Variants in AMPH observed in about 807,000 individuals in gnomAD.
AMPH encodes the protein amphiphysin, also known as amphiphysin (Stiff-Mann syndrome with breast cancer 128kD autoantigen).
In AMPH, 49 loss-of-function variants were observed where a neutral mutation model predicts 99.1. The observed-to-expected ratio is 0.49, with a 90% CI of 0.39 to 0.63. The LOEUF (loss-of-function observed/expected upper bound fraction) is 0.63, where lower values mean the gene tolerates loss of function less well. AMPH is among the 20% of genes least tolerant of loss of function. The pLI is 0.00. For synonymous variants in AMPH, 314 were observed against 317.3 expected (o/e 0.99, Z 0.11); for missense variants, 759 against 863.4 (o/e 0.88, Z 1.52).
intron 1 of AMPH, among the ~76,000 whole-genome samples, chr7:38,597,805 T>C (rs1357163888): frequency 6.6e-6 from 1 of 152,190 alleles, no homozygotes; most frequent in East Asian, 1.9e-4. Flanking sequence ...TCCATCTTGT[T>C]TATGGTAACT....
At chr7:38,412,216 T>C (rs1348594030) in intron 17 of AMPH, among the ~76,000 whole-genome samples, 1 of 152,150 alleles carries the variant, frequency 6.6e-6, no homozygotes, top group Non-Finnish European at 1.5e-5. Flanking sequence ...TACTTGAAAA[T>C]GGTTAATTTT....
At chr7:38,610,522 G>T (rs1421961330) in intron 1 of AMPH, among the ~76,000 whole-genome samples, 2 of 151,298 alleles carry the variant, frequency 1.3e-5, no homozygotes, top group Non-Finnish European at 1.5e-5. Context: ...CACTAGTCTT[G>T]GATTATTAAA....
intron 2 of AMPH, among the ~76,000 whole-genome samples, chr7:38,521,270 T>C (rs12535562): frequency 0.98 from 148,903 of 152,328 alleles, 72,794 homozygotes; most frequent in East Asian, 1. Context: ...CCGGTAATCC[T>C]AGCACTTTGG....
chr7:38,431,954 C>T, intron 13 of AMPH: 1 of 578,418 alleles, frequency 1.7e-6, no homozygotes, highest in South Asian at 1.9e-5. Flanking sequence ...GACCATTATT[C>T]AAATTATTGA....
At chr7:38,389,608 A>G (rs1784434701) in intron 20 of AMPH, among the ~76,000 whole-genome samples, 196 bp downstream of exon 20, 1 of 152,254 alleles carries the variant, frequency 6.6e-6, no homozygotes, top group Admixed American at 6.5e-5. Flanking sequence ...TTATATAAAA[A>G]AAGAATGCAA....
At chr7:38,484,991 CA>C (rs1189408475) in intron 5 of AMPH, among the ~76,000 whole-genome samples, 2 of 151,100 alleles carry the variant, frequency 1.3e-5, no homozygotes, top group East Asian at 3.9e-4. Flanking sequence ...GAAAGTAAAA[CA>C]AAAAAATCAA....
chr7:38,629,587 T>G (rs1376964333), intron 1 of AMPH, among the ~76,000 whole-genome samples: 1 of 152,236 alleles, frequency 6.6e-6, no homozygotes, highest in Non-Finnish European at 1.5e-5. Flanking sequence ...GCTGGTGACC[T>G]AGATTAAGAA....
chr7:38,431,439 C>T (rs1417343767), intron 13 of AMPH, among the ~76,000 whole-genome samples: 1 of 152,100 alleles, frequency 6.6e-6, no homozygotes, highest in Admixed American at 6.5e-5. Flanking sequence ...GGGCAGATCA[C>T]AAGGTCAGCA....
intron 14 of AMPH, chr7:38,428,121 C>T (rs1460550999): frequency 2.2e-6 from 1 of 456,616 alleles, no homozygotes; most frequent in African/African-American, 2.0e-5. Context: ...ATTATCTAAG[C>T]CTTCTGTATC....
chr7:38,462,826 C>A, intron 10 of AMPH, 149 bp downstream of exon 10: 1 of 850,764 alleles, frequency 1.2e-6, no homozygotes, highest in African/African-American at 1.7e-5. Flanking sequence ...TGGATACCTT[C>A]ATGACAATCA....
intron 1 of AMPH, among the ~76,000 whole-genome samples, chr7:38,571,626 T>C (rs749930649): frequency 6.7e-6 from 1 of 148,284 alleles, no homozygotes; most frequent in Non-Finnish European, 1.5e-5. Flanking sequence ...GAAAATATTT[T>C]TGTACAGGTG....
intron 4 of AMPH, among the ~76,000 whole-genome samples, chr7:38,492,089 G>T (rs1261501381): frequency 6.6e-6 from 1 of 152,180 alleles, no homozygotes; most frequent in African/African-American, 2.4e-5. Flanking sequence ...TCTGCTATTT[G>T]TCACCAATCT....
In AMPH at chr7:38,474,162, T is replaced by G. The variant is rs1787998429; in HGVS notation, c.590+1169A>C. ...AAGCCCACACCAAAAAATGATAGAT[T>G]GATTATTTTGATGGCTCTTTGGTTT... On this transcript the variant is annotated intron_variant, in intron 7 of 20. Transcript: ENST00000356264. 2.0e-5 allele frequency among the ~76,000 whole-genome samples: 3 copies of G among 152,084 alleles called. 1 individual carries two copies. In the South Asian group the frequency reaches 6.2e-4, roughly 32 times the overall value.
At position 38,560,723 on chromosome 7, in the gene AMPH, A is replaced by G. The variant is rs6967687; in HGVS notation, c.70-25712T>C. On this transcript the variant is annotated intron_variant, in intron 1 of 20. Coordinates refer to ENST00000356264, the MANE Select transcript of AMPH (RefSeq NM_001635.4). ...TTGTTTGCAGCCTACCTCATTCCCA[A>G]CAGTTTTGAATTGAGTACCACTCCT... Among the ~76,000 whole-genome samples, 1,348 of 152,200 alleles carry G rather than the reference A, an allele frequency of 8.9e-3. 22 individuals are homozygous for G. The highest frequency in any genetic ancestry group is 0.03 in the African/African-American group (1,245 of 41,496).
chr7:38,529,236 TTATCCATATTTA>T (rs1448927016), intron 2 of AMPH, among the ~76,000 whole-genome samples: 2 of 152,210 alleles, frequency 1.3e-5, no homozygotes, highest in African/African-American at 2.4e-5. Context: ...CACCAAATCT[TTATCCATATTTA>T]TATCCATATT....
At chr7:38,448,639 A>G (rs1172800619) in intron 11 of AMPH, among the ~76,000 whole-genome samples, 6 of 152,312 alleles carry the variant, frequency 3.9e-5, no homozygotes, top group Admixed American at 2.6e-4. Flanking sequence ...TTTTTGGATC[A>G]TGGTTGACCA....
chr7:38,503,776 T>C (rs1789232586), intron 2 of AMPH, 72 bp from the exon 3 acceptor site: 3 of 1,468,400 alleles, frequency 2.0e-6, no homozygotes, highest in South Asian at 1.1e-5. Flanking sequence ...AAGTGCTAAG[T>C]CTCAAAGTTA....
chr7:38,468,417 G>C (rs1417879547), intron 7 of AMPH, among the ~76,000 whole-genome samples: 2 of 152,118 alleles, frequency 1.3e-5, no homozygotes, highest in Non-Finnish European at 2.9e-5. Context: ...AAACAAAAAA[G>C]AAGTCCCATT....
chr7:38,422,599 T>TATCTATCC (rs1276642248), intron 15 of AMPH, 122 bp from the exon 16 acceptor site: 9 of 614,398 alleles, frequency 1.5e-5, no homozygotes, highest in East Asian at 3.6e-5. Context: ...TCTATCTATC[T>TATCTATCC]ATCCATCTAT....
Sources: allele counts gnomAD v4.1 joint callset (sites outside exome capture counted in the v4.1 genomes callset), GRCh38; gene constraint gnomAD v4.1.1; transcripts MANE v1.5; gene names NCBI Gene and HGNC (gene_info 2026-07-23, HGNC 2026-07-21).